RHBDD1: variants seen among roughly 807,000 people sequenced by gnomAD.
RHBDD1 encodes rhomboid domain containing 1, also known as rhomboid-related protein 4.
Under a neutral mutation model 36.3 loss-of-function variants are expected in RHBDD1, and 38 were observed. That is an observed-to-expected ratio of 1.05 (90% CI 0.81 to 1.37). The LOEUF (loss-of-function observed/expected upper bound fraction) is 1.37, where lower values mean the gene tolerates loss of function less well. Ranked by LOEUF, RHBDD1 falls within the 40% of genes most tolerant of loss-of-function variation. The pLI, the probability that RHBDD1 is intolerant of heterozygous loss-of-function variation, is 0.00. For synonymous variants in RHBDD1, 151 were observed against 136.5 expected (o/e 1.11, Z -0.74); for missense variants, 393 against 377.6 (o/e 1.04, Z -0.34).
chr2:226,964,647 A>G (rs145126465), intron 8 of RHBDD1, among the ~76,000 whole-genome samples: 1 of 152,346 alleles, frequency 6.6e-6, no homozygotes, highest in East Asian at 1.9e-4. Flanking sequence ...GACATCTCAG[A>G]TGCATCATGT....
At chr2:226,882,612 G>A (rs1014560076) in intron 5 of RHBDD1, among the ~76,000 whole-genome samples, 8 of 151,020 alleles carry the variant, frequency 5.3e-5, no homozygotes, top group East Asian at 1.9e-4. Flanking sequence ...TATGGAAACC[G>A]CCCCCCGCCC....
At chr2:226,907,213 C>T (rs1405347026) in intron 6 of RHBDD1, among the ~76,000 whole-genome samples, 2 of 152,166 alleles carry the variant, frequency 1.3e-5, no homozygotes, top group African/African-American at 4.8e-5. Context: ...ATGCATTCTT[C>T]TATAATAGTC....
intron 5 of RHBDD1, among the ~76,000 whole-genome samples, chr2:226,895,461 A>G (rs971871029): frequency 1.5e-4 from 23 of 152,192 alleles, no homozygotes; most frequent in African/African-American, 5.5e-4. Flanking sequence ...CATGGAATAT[A>G]GAAGATACAG....
chr2:226,939,619 CACAA>C (rs963681341), intron 8 of RHBDD1, among the ~76,000 whole-genome samples: 2 of 152,120 alleles, frequency 1.3e-5, no homozygotes, highest in African/African-American at 4.8e-5. Flanking sequence ...TCAGAGAGGA[CACAA>C]ACAAATGGAA....
upstream of RHBDD1, among the ~76,000 whole-genome samples, chr2:226,833,481 G>A (rs759749678): frequency 6.6e-5 from 10 of 152,118 alleles, no homozygotes; most frequent in African/African-American, 1.4e-4. Context: ...CCACTCCTCC[G>A]CTTATGTGCA....
At chr2:226,837,675 T>TA (rs1941126481) in intron 1 of RHBDD1, 1 of 152,258 alleles carries the variant, frequency 6.6e-6, no homozygotes, top group Non-Finnish European at 1.5e-5. Flanking sequence ...TAGCTGGGAT[T>TA]ACAGGCGTCT....
intron 5 of RHBDD1, among the ~76,000 whole-genome samples, chr2:226,892,799 AT>A (rs1276440385): frequency 6.6e-6 from 1 of 152,150 alleles, no homozygotes; most frequent in East Asian, 1.9e-4. Flanking sequence ...ACACGTTGGA[AT>A]TTCCTGGGGA....
chr2:226,863,506 T>G (rs1944044632), intron 3 of RHBDD1, among the ~76,000 whole-genome samples: 1 of 152,212 alleles, frequency 6.6e-6, no homozygotes, highest in African/African-American at 2.4e-5. Flanking sequence ...TTTATTTAGC[T>G]CACTGTTTTG....
chr2:226,945,903 C>T (rs36200798), intron 8 of RHBDD1, among the ~76,000 whole-genome samples: 2 of 152,168 alleles, frequency 1.3e-5, no homozygotes, highest in South Asian at 2.1e-4. Flanking sequence ...CTCTAATGAC[C>T]GGTGATAAGG....
chr2:226,880,619 C>T (rs1056571851), intron 5 of RHBDD1, among the ~76,000 whole-genome samples: 10 of 152,170 alleles, frequency 6.6e-5, no homozygotes, highest in Non-Finnish European at 1.3e-4. Context: ...GACAGAAGCC[C>T]CAGCCCTGTC....
At chr2:226,808,060 T>TG in the RHBDD1 span, among the ~76,000 whole-genome samples, 1 of 151,586 alleles carries the variant, frequency 6.6e-6, no homozygotes, top group African/African-American at 2.4e-5. Context: ...AATAGACTGT[T>TG]GGGGGGAGGA....
At chr2:226,906,222 A>G (rs1056305212) in intron 5 of RHBDD1, among the ~76,000 whole-genome samples, 17 of 152,220 alleles carry the variant, frequency 1.1e-4, no homozygotes, top group African/African-American at 4.1e-4. Flanking sequence ...TTTGAAATTT[A>G]AATGTATGTT....
At chr2:226,924,163 G>A (rs994411864) in intron 8 of RHBDD1, among the ~76,000 whole-genome samples, 1 of 152,170 alleles carries the variant, frequency 6.6e-6, no homozygotes, top group African/African-American at 2.4e-5. Context: ...GATACCATGG[G>A]GTAAGTACTG....
At chr2:226,864,287 T>G (rs1408211440) in intron 3 of RHBDD1, among the ~76,000 whole-genome samples, 1 of 152,174 alleles carries the variant, frequency 6.6e-6, no homozygotes, top group African/African-American at 2.4e-5. Flanking sequence ...TTGCACACTA[T>G]CTTTGTAGGT....
the RHBDD1 span, among the ~76,000 whole-genome samples, chr2:226,819,976 T>G: frequency 1.4e-5 from 1 of 72,460 alleles, no homozygotes; most frequent in Non-Finnish European, 2.5e-5. Flanking sequence ...ATATTGTGTG[T>G]GTTTTTTTTT....
chr2:226,974,368 G>A (rs1954164895), intron 8 of RHBDD1, among the ~76,000 whole-genome samples: 1 of 151,986 alleles, frequency 6.6e-6, no homozygotes, highest in Non-Finnish European at 1.5e-5. Flanking sequence ...CTCCTGAGTA[G>A]CTGGAATTAC....
chr2:226,861,252 G>C lies in RHBDD1; in HGVS notation c.-90-3352G>C, dbSNP rs532679502. Among the ~76,000 whole-genome samples the C allele has an allele frequency of 2.0e-5, 3 of 152,248 alleles. No individual in the cohort carries two copies. In the South Asian group the frequency reaches 6.2e-4, roughly 32 times the overall value. ...CCTTGAGTGTGTGCAGGAGAGAGTA[G>C]GGATAGAGGAGAAGTGAACAGCAGA... On this transcript the variant is annotated intron_variant, in intron 3 of 8. Transcript: ENST00000392062.
At chr2:226,983,138 A>C (rs1956158121) in intron 8 of RHBDD1, among the ~76,000 whole-genome samples, 1 of 152,180 alleles carries the variant, frequency 6.6e-6, no homozygotes, top group Admixed American at 6.5e-5. Flanking sequence ...AGAGTTTCTC[A>C]AAGTGGGGCA....
chr2:226,923,148 A>C (rs555060116), intron 8 of RHBDD1, among the ~76,000 whole-genome samples: 1 of 152,178 alleles, frequency 6.6e-6, no homozygotes, highest in Non-Finnish European at 1.5e-5. Context: ...TTTATTGCTC[A>C]TTAACATCCT....
Sources: allele counts gnomAD v4.1 joint callset (sites outside exome capture counted in the v4.1 genomes callset), GRCh38; gene constraint gnomAD v4.1.1; transcripts MANE v1.5; gene names NCBI Gene and HGNC (gene_info 2026-07-23, HGNC 2026-07-21).